The following CECR2 variants were observed in gnomAD, a reference collection of about 807,000 sequenced individuals.
CECR2 encodes CECR2 histone acetyl-lysine reader.
CECR2 carries 30 observed loss-of-function variants against 154.5 expected under a neutral mutation model. The ratio of observed to expected loss-of-function variants is 0.19; its 90% CI spans 0.15 to 0.26. The LOEUF is 0.26. Among genes scored for constraint, CECR2 ranks in the 10% least tolerant of loss-of-function variants. The pLI is 1.00. For missense variants in CECR2, 1,743 were observed against 1,829.3 expected, an observed-to-expected ratio of 0.95 and a Z score of 0.86; for synonymous variants, 725 against 683.7, an observed-to-expected ratio of 1.06 and a Z score of -0.94.
At chr22:17,534,979 T>A (rs1463841154) in intron 9 of CECR2, among the ~76,000 whole-genome samples, 1 of 151,026 alleles carries the variant, frequency 6.6e-6, no homozygotes, top group Non-Finnish European at 1.5e-5. Flanking sequence ...TGAAACCCCG[T>A]CTCTACTAAA....
chr22:17,429,538 CCAAAAA>C (rs887270300), intron 1 of CECR2, among the ~76,000 whole-genome samples: 2 of 55,788 alleles, frequency 3.6e-5, no homozygotes, highest in Non-Finnish European at 6.5e-5. Flanking sequence ...CCCATCTCTA[CCAAAAA>C]CAAAAACAAA....
chr22:17,429,172 G>A (rs1237678204), intron 1 of CECR2, among the ~76,000 whole-genome samples: 1 of 152,006 alleles, frequency 6.6e-6, no homozygotes. Flanking sequence ...TGGTGGTGGG[G>A]GGATGGTCTA....
intron 1 of CECR2, among the ~76,000 whole-genome samples, chr22:17,472,420 GC>G (rs773711911): frequency 1.3e-5 from 2 of 152,190 alleles, no homozygotes; most frequent in African/African-American, 2.4e-5. Context: ...CCTTCAAGAG[GC>G]CTGCTTTGCA....
At chr22:17,539,205 C>T (rs2147017841) in intron 13 of CECR2, 86 bp downstream of exon 13, 2 of 1,450,596 alleles carry the variant, frequency 1.4e-6, no homozygotes, top group South Asian at 1.2e-5. Context: ...ATCCTAGTGC[C>T]TTTTCTGTAG....
chr22:17,431,721 C>T (rs2054425837), intron 1 of CECR2, among the ~76,000 whole-genome samples: 1 of 151,678 alleles, frequency 6.6e-6, no homozygotes, highest in Admixed American at 6.6e-5. Context: ...AGTGGTAATT[C>T]TTATTGATGC....
chr22:17,545,256 G>A (rs2056592831), intron 16 of CECR2, among the ~76,000 whole-genome samples: 2 of 149,388 alleles, frequency 1.3e-5, no homozygotes, highest in Admixed American at 6.7e-5. Context: ...AGGCCTGTAA[G>A]TTCAGCTACT....
intron 1 of CECR2, among the ~76,000 whole-genome samples, chr22:17,435,434 A>T (rs1013959840): frequency 6.6e-6 from 1 of 152,094 alleles, no homozygotes; most frequent in African/African-American, 2.4e-5. Context: ...ACCGGGTTTT[A>T]TAATTGTAAG....
At chr22:17,381,362 C>T (rs1395815319) in intron 1 of CECR2, among the ~76,000 whole-genome samples, 4 of 150,202 alleles carry the variant, frequency 2.7e-5, no homozygotes, top group Non-Finnish European at 5.9e-5. Context: ...TGACACGTAA[C>T]TCTAGACTTT....
intron 16 of CECR2, 120 bp from the exon 17 acceptor site, chr22:17,548,028 C>T: frequency 1.1e-6 from 1 of 928,366 alleles, no homozygotes; most frequent in East Asian, 2.6e-5. Flanking sequence ...CAAACAATTT[C>T]CAGGTGGGGC....
At position 17,498,710 on chromosome 22, in the gene CECR2, T is replaced by C. The variant is rs150653816; in HGVS notation, c.406-700T>C. Among the ~76,000 whole-genome samples the C allele has an allele frequency of 2.7e-4, 41 of 152,230 alleles. No homozygotes were observed. In the East Asian group the frequency reaches 7.8e-3, roughly 29 times the overall value. On this transcript the variant is annotated intron_variant, in intron 3 of 18. Transcript: ENST00000262608. Reference sequence around the variant, plus strand: ...GCCGGAACTGCCACAGAGGATCCCATGGGGCAAAGCTTGCCCCGTGCCTGA... The same window carrying C: ...GCCGGAACTGCCACAGAGGATCCCACGGGGCAAAGCTTGCCCCGTGCCTGA...
intron 1 of CECR2, among the ~76,000 whole-genome samples, chr22:17,433,075 C>T (rs1286452025): frequency 1.3e-5 from 2 of 152,206 alleles, no homozygotes; most frequent in Admixed American, 6.5e-5. Flanking sequence ...AAGTACTGCA[C>T]TGATTTTTGG....
At chr22:17,531,283 C>T (rs1366888699) in intron 9 of CECR2, among the ~76,000 whole-genome samples, 1 of 152,228 alleles carries the variant, frequency 6.6e-6, no homozygotes, top group Non-Finnish European at 1.5e-5. Context: ...TGCAGCCCCA[C>T]TGCTAGCACT....
intron 1 of CECR2, among the ~76,000 whole-genome samples, chr22:17,451,162 A>C (rs1427856286): frequency 6.6e-6 from 1 of 152,182 alleles, no homozygotes; most frequent in African/African-American, 2.4e-5. Flanking sequence ...TTAAGTAGAG[A>C]GTTCAGGTGG....
intron 1 of CECR2, among the ~76,000 whole-genome samples, chr22:17,361,080 T>C (rs1404785504): frequency 1.3e-5 from 2 of 152,112 alleles, no homozygotes; most frequent in African/African-American, 2.4e-5. Context: ...AGAGGATCAC[T>C]TGAGCCCACG....
chr22:17,466,325 C>T (rs1569100391), intron 1 of CECR2, among the ~76,000 whole-genome samples: 1 of 152,164 alleles, frequency 6.6e-6, no homozygotes, highest in Non-Finnish European at 1.5e-5. Flanking sequence ...TCGTTTCCCT[C>T]ATTTCTTTAA....
intron 8 of CECR2, among the ~76,000 whole-genome samples, chr22:17,521,714 T>G (rs13054150): frequency 0.052 from 7,991 of 152,276 alleles, 223 homozygotes; most frequent in Middle Eastern, 0.065. Flanking sequence ...CTGTTCACTC[T>G]GATGGTAGTT....
At chr22:17,414,119 C>T (rs541715073) in intron 1 of CECR2, among the ~76,000 whole-genome samples, 5 of 152,058 alleles carry the variant, frequency 3.3e-5, no homozygotes, top group Admixed American at 6.6e-5. Flanking sequence ...ACTACAGGTG[C>T]CTGCCACCAC....
At chr22:17,470,016 A>G (rs1446948735) in intron 1 of CECR2, among the ~76,000 whole-genome samples, 1 of 152,182 alleles carries the variant, frequency 6.6e-6, no homozygotes, top group African/African-American at 2.4e-5. Flanking sequence ...ATGCCTTCAG[A>G]TGCCACAGCT....
Position 17,538,516 on chromosome 22 carries a change from A to G in CECR2, c.1239-4A>G. 6.2e-7 allele frequency: 1 copy of G among 1,613,422 alleles called. No homozygotes were observed. The highest frequency in any genetic ancestry group is 8.5e-7 in the Non-Finnish European group (1 of 1,179,398). On this transcript the variant is annotated splice_region_variant and splice_polypyrimidine_tract_variant and intron_variant, in intron 10 of 18. Coordinates refer to ENST00000262608, the MANE Select transcript of CECR2 (RefSeq NM_001290047.2). ...CTATTAATTTCTTATTTTGTGATTT[A>G]CAGCTTTGAGTTGGATGATGATTTC...
Sources: allele counts gnomAD v4.1 joint callset (sites outside exome capture counted in the v4.1 genomes callset), GRCh38; gene constraint gnomAD v4.1.1; transcripts MANE v1.5; gene names NCBI Gene and HGNC (gene_info 2026-07-23, HGNC 2026-07-21).